Variants in BDH1 observed in about 807,000 individuals in gnomAD.
BDH1 encodes D-beta-hydroxybutyrate dehydrogenase, mitochondrial.
A neutral mutation model predicts 33.1 loss-of-function variants in BDH1; 30 were observed. That is an observed-to-expected ratio of 0.91 (90% confidence interval 0.68 to 1.23). The LOEUF is 1.23. Ranked by LOEUF, BDH1 falls within the 50% of genes most tolerant of loss-of-function variation. BDH1 has a pLI of 0.00. For synonymous variants in BDH1, 190 were observed against 183.6 expected (o/e 1.03, Z -0.28); for missense variants, 443 against 464.4 (o/e 0.95, Z 0.42).
intron 2 of BDH1, among the ~76,000 whole-genome samples, chr3:197,548,547 G>A (rs554813848): frequency 6.6e-6 from 1 of 152,304 alleles, no homozygotes; most frequent in East Asian, 1.9e-4. Context: ...ATAATTAAAA[G>A]TGCATAAAAA....
intron 3 of BDH1, chr3:197,543,236 G>C: frequency 1.0e-6 from 1 of 953,704 alleles, no homozygotes; most frequent in Non-Finnish European, 1.2e-6. Flanking sequence ...ATGGCCTCAC[G>C]GCAGCATCTG....
In BDH1 at chr3:197,512,315, G is replaced by C; in HGVS notation, c.612C>G (p.Ala204=). ...SSMLGRMANP[A]RSPYCITKFG... ...ACTTGGTGATGCAGTACGGGGAGCG[G>C]GCCGGGTTGGCCATGCGGCCCAGCA... The change falls in exon 8 of 8, where the codon GCC becomes GCG. Residue 204 remains alanine (A), a synonymous_variant. Coordinates refer to ENST00000392379, the MANE Select transcript of BDH1 (RefSeq NM_203314.3). The C allele has an allele frequency of 6.2e-7, 1 of 1,611,268 alleles. No homozygotes were observed. The highest frequency in any genetic ancestry group is 8.5e-7 in the Non-Finnish European group (1 of 1,179,956).
intron 3 of BDH1, among the ~76,000 whole-genome samples, chr3:197,542,021 C>A (rs1715672943): frequency 6.6e-6 from 1 of 152,230 alleles, no homozygotes; most frequent in Non-Finnish European, 1.5e-5. Flanking sequence ...CAGATTACCA[C>A]CCACCTAGTG....
At chr3:197,515,535 C>T (rs1198473185) in intron 6 of BDH1, 1 of 985,726 alleles carries the variant, frequency 1.0e-6, no homozygotes, top group East Asian at 1.1e-4. Flanking sequence ...ACCATAGCCA[C>T]TGATCCTTCT....
intron 2 of BDH1, among the ~76,000 whole-genome samples, chr3:197,548,828 G>C (rs953755377): frequency 2.6e-5 from 4 of 151,796 alleles, no homozygotes; most frequent in Admixed American, 6.6e-5. Flanking sequence ...TCCAGCCTGG[G>C]TGACAGAGCA....
intron 1 of BDH1, among the ~76,000 whole-genome samples, chr3:197,555,025 C>T (rs961475663): frequency 1.1e-4 from 16 of 152,248 alleles, no homozygotes; most frequent in Non-Finnish European, 2.2e-4. Context: ...GAGACAGCAC[C>T]GCCCAGCCAA....
exon 1 of BDH1, chr3:197,573,227 C>T (rs1245975874): frequency 6.6e-6 from 1 of 152,220 alleles, no homozygotes; most frequent in South Asian, 2.1e-4. Flanking sequence ...GGATCCTCTC[C>T]AGGCAAGTGA....
upstream of BDH1, among the ~76,000 whole-genome samples, chr3:197,559,386 C>T (rs145749842): frequency 8.9e-4 from 136 of 152,250 alleles, 2 homozygotes; most frequent in African/African-American, 3.1e-3. Flanking sequence ...GAGTGTATCC[C>T]CTGTGAGATT....
At chr3:197,563,912 G>T (rs1400589878) in intron 1 of BDH1, among the ~76,000 whole-genome samples, 1 of 151,978 alleles carries the variant, frequency 6.6e-6, no homozygotes, top group South Asian at 2.1e-4. Flanking sequence ...GACCAGCCTG[G>T]TCAACATGGT....
intron 1 of BDH1, among the ~76,000 whole-genome samples, chr3:197,563,993 T>C (rs184838050): frequency 2.0e-5 from 3 of 150,658 alleles, no homozygotes; most frequent in African/African-American, 4.9e-5. Context: ...TCACAGCTAC[T>C]TGGAAAGCTG....
chr3:197,568,110 C>A (rs1240638225), intron 1 of BDH1, among the ~76,000 whole-genome samples: 1 of 152,202 alleles, frequency 6.6e-6, no homozygotes, highest in Non-Finnish European at 1.5e-5. Context: ...AGTGTTAATT[C>A]AGGACAGTGC....
chr3:197,552,815 A>G (rs913764805), intron 2 of BDH1, among the ~76,000 whole-genome samples: 1 of 152,080 alleles, frequency 6.6e-6, no homozygotes, highest in Non-Finnish European at 1.5e-5. Flanking sequence ...GTTCAGTCTC[A>G]TTAGAATATA....
intron 1 of BDH1, among the ~76,000 whole-genome samples, chr3:197,567,348 C>T (rs528624107): frequency 1.6e-4 from 25 of 152,286 alleles, no homozygotes; most frequent in African/African-American, 5.5e-4. Context: ...ACCTGCCTCC[C>T]GTTCTGTTCA....
At chr3:197,534,095 C>G in intron 3 of BDH1, 1 of 152,682 alleles carries the variant, frequency 6.5e-6, no homozygotes, top group East Asian at 1.9e-4. Flanking sequence ...CAGGTCTTAC[C>G]TCATTTCCCC....
upstream of BDH1, among the ~76,000 whole-genome samples, chr3:197,557,241 C>T (rs1038282092): frequency 1.3e-5 from 2 of 152,318 alleles, no homozygotes; most frequent in African/African-American, 4.8e-5. This position sits in a 1 kb window ranked among gnomAD's most constrained non-coding sequence, Gnocchi z 4.6. Flanking sequence ...AGGCACATGT[C>T]AGGACTTCCT....
chr3:197,527,260 A>G (rs1714189224), intron 5 of BDH1, among the ~76,000 whole-genome samples: 1 of 152,236 alleles, frequency 6.6e-6, no homozygotes. Context: ...CCCTGAGAGC[A>G]TAGAGTCAAG....
At chr3:197,565,359 G>A (rs1717401979) in intron 1 of BDH1, among the ~76,000 whole-genome samples, 1 of 152,094 alleles carries the variant, frequency 6.6e-6, no homozygotes, top group African/African-American at 2.4e-5. Context: ...AATAACCTGT[G>A]ATATCAAGTG....
chr3:197,519,933 G>A (rs1247352246), intron 6 of BDH1, among the ~76,000 whole-genome samples: 2 of 152,144 alleles, frequency 1.3e-5, no homozygotes, highest in African/African-American at 4.8e-5. Flanking sequence ...GGCAGCAACT[G>A]TTCCACAGAG....
At position 197,511,802 on chromosome 3, in the gene BDH1, T is replaced by G; in HGVS notation, c.*93A>C. 3.2e-6 allele frequency: 4 copies of G among 1,251,604 alleles called. No homozygotes were observed. The highest frequency in any genetic ancestry group is 4.4e-6 in the Non-Finnish European group (4 of 900,622). The allele number at this position is 1,251,604 out of a possible 1,614,324, so 77.5% of individuals were successfully genotyped here. On this transcript the variant is annotated 3_prime_UTR_variant, in exon 8 of 8. Coordinates refer to ENST00000392379, the MANE Select transcript of BDH1 (RefSeq NM_203314.3). The stretch of plus-strand genomic sequence containing the variant: ...TGGGTCTTCCTGGCATGGTGGATAA[T>G]CCACACGTGGATAATCAAGAGTTGA...
Sources: gnomAD v4.1 joint callset for allele counts (sites outside exome capture counted in the v4.1 genomes callset) on GRCh38, gnomAD v4.1.1 for gene constraint, Gnocchi (gnomAD v3.1) non-coding constraint, MANE v1.5 for transcripts, NCBI Gene and HGNC (gene_info 2026-07-23, HGNC 2026-07-21) for gene names.